TENM2: variants seen among roughly 807,000 people sequenced by gnomAD.
TENM2 encodes the protein teneurin transmembrane protein 2.
TENM2 carries 52 observed loss-of-function variants against 245.2 expected under a neutral mutation model. That is an observed-to-expected ratio of 0.21 (90% CI 0.17 to 0.27). The LOEUF is 0.27. Ranked by LOEUF, TENM2 falls within the 10% of genes least tolerant of loss-of-function variation. The pLI is 1.00. For missense variants in TENM2, 3,046 were observed against 3,666.8 expected (o/e 0.83, Z 4.37); for synonymous variants, 1,363 against 1,438.9 (o/e 0.95, Z 1.19).
intron 3 of TENM2, among the ~76,000 whole-genome samples, chr5:167,898,760 G>C (rs539089213): frequency 6.6e-6 from 1 of 152,316 alleles, no homozygotes; most frequent in African/African-American, 2.4e-5. Flanking sequence ...AGAGCCATAG[G>C]CTGGATGAAT....
intron 19 of TENM2, among the ~76,000 whole-genome samples, chr5:168,205,631 T>C (rs1181800665): frequency 6.6e-6 from 1 of 152,084 alleles, no homozygotes; most frequent in Non-Finnish European, 1.5e-5. Flanking sequence ...AGAGAAGTTG[T>C]TCAAAAGCCC....
intron 2 of TENM2, among the ~76,000 whole-genome samples, chr5:167,718,178 T>C (rs1759392589): frequency 6.6e-6 from 1 of 152,222 alleles, no homozygotes; most frequent in Admixed American, 6.5e-5. Context: ...TCGGGGGATC[T>C]ATCACCCAAT....
At chr5:167,294,854 A>G (rs1300122001) in intron 1 of TENM2, among the ~76,000 whole-genome samples, 1 of 152,130 alleles carries the variant, frequency 6.6e-6, no homozygotes, top group Non-Finnish European at 1.5e-5. Flanking sequence ...CAAAAATATC[A>G]CGGATCTTCC....
chr5:167,487,110 A>G, intron 2 of TENM2, among the ~76,000 whole-genome samples: 1 of 152,290 alleles, frequency 6.6e-6, no homozygotes, highest in African/African-American at 2.4e-5. Flanking sequence ...GGTGCGGTAT[A>G]GTGGTCTGTG....
At chr5:168,064,678 C>T (rs921499030) in intron 7 of TENM2, among the ~76,000 whole-genome samples, 9 of 152,320 alleles carry the variant, frequency 5.9e-5, no homozygotes, top group Middle Eastern at 3.4e-3. Flanking sequence ...AGCTCCACTC[C>T]AGAGACAGCC....
intron 2 of TENM2, among the ~76,000 whole-genome samples, chr5:167,498,256 A>T (rs1354928780): frequency 2.0e-5 from 3 of 151,852 alleles, no homozygotes. Context: ...GGCGCCGGGA[A>T]CTCTTAGAAA....
intron 2 of TENM2, among the ~76,000 whole-genome samples, chr5:167,469,264 T>C (rs191131909): frequency 4.6e-5 from 7 of 152,260 alleles, no homozygotes; most frequent in African/African-American, 7.2e-5. Context: ...TTAATAAACA[T>C]GTTTGATGGT....
chr5:167,621,252 T>C (rs1468218129), intron 2 of TENM2, among the ~76,000 whole-genome samples: 1 of 152,136 alleles, frequency 6.6e-6, no homozygotes, highest in Non-Finnish European at 1.5e-5. Context: ...AATGATAACT[T>C]GCTGTGAAGA....
chr5:167,428,230 C>T (rs1367193437), intron 2 of TENM2, among the ~76,000 whole-genome samples: 2 of 152,140 alleles, frequency 1.3e-5, no homozygotes, highest in African/African-American at 2.4e-5. Context: ...ACTATTATGG[C>T]TACATTGAAA....
intron 1 of TENM2, among the ~76,000 whole-genome samples, chr5:167,353,510 T>TTG (rs1484031534): frequency 8.3e-6 from 1 of 120,178 alleles, no homozygotes; most frequent in Non-Finnish European, 1.8e-5. Context: ...GTTTTTTTTT[T>TTG]TTTTTTTTTT....
At chr5:168,000,873 G>A (rs1354679205) in intron 5 of TENM2, among the ~76,000 whole-genome samples, 1 of 151,884 alleles carries the variant, frequency 6.6e-6, no homozygotes, top group Non-Finnish European at 1.5e-5. Flanking sequence ...GGAACATGGT[G>A]GTACCTGGCA....
In TENM2 at chr5:168,070,793, A is replaced by AAGAG. The variant is rs201553774; in HGVS notation, c.1515+8552_1515+8555dup. On this transcript the variant is annotated intron_variant, in intron 7 of 28. Coordinates refer to ENST00000518659, the Ensembl canonical transcript of TENM2. ...AGTGAGATCCTGTCAGAAAGAAAGAAAGAGAGAGAGAGAGAGAGAGAGAGA... is the reference window on the plus strand; with the variant it reads ...AGTGAGATCCTGTCAGAAAGAAAGAAAGAGAGAGAGAGAGAGAGAGAGAGAGAGA... Among the ~76,000 whole-genome samples, 86 of 89,414 alleles carry AAGAG rather than the reference A, an allele frequency of 9.6e-4. 2 individuals carry two copies. The South Asian group carries it at 0.021, about 22-fold the overall frequency. The allele number at this position is 89,414 out of a possible 152,430, so 58.7% of individuals were successfully genotyped here. A position where few individuals can be genotyped will look rare whatever the true frequency, so the allele number is the denominator to read the frequency against.
At chr5:168,004,298 G>T (rs529651191) in intron 5 of TENM2, among the ~76,000 whole-genome samples, 1 of 152,278 alleles carries the variant, frequency 6.6e-6, no homozygotes, top group African/African-American at 2.4e-5. Context: ...TGATATTTTA[G>T]ATTACCCTGC....
the TENM2 span, among the ~76,000 whole-genome samples, chr5:167,006,630 A>G: frequency 6.6e-6 from 1 of 152,060 alleles, no homozygotes; most frequent in South Asian, 2.1e-4. Context: ...AATCATTTAT[A>G]TATTCAGAAC....
intron 11 of TENM2, 33 bp from the exon 14 acceptor site, chr5:168,126,720 TG>T: frequency 6.4e-7 from 1 of 1,555,982 alleles, no homozygotes; most frequent in Non-Finnish European, 8.8e-7. Context: ...TCACCAGCTG[TG>T]GTGTTGAGCT....
At chr5:168,081,013 C>G (rs931779170) in intron 7 of TENM2, among the ~76,000 whole-genome samples, 1 of 152,112 alleles carries the variant, frequency 6.6e-6, no homozygotes, top group African/African-American at 2.4e-5. Context: ...GTTGATCCGT[C>G]TAATGTTGAC....
chr5:167,768,884 C>T (rs865923111), intron 2 of TENM2, among the ~76,000 whole-genome samples: 6 of 152,210 alleles, frequency 3.9e-5, no homozygotes, highest in South Asian at 4.1e-4. Flanking sequence ...ACTTGGGAGA[C>T]GGGATGTATA....
the TENM2 span, among the ~76,000 whole-genome samples, chr5:167,111,869 T>G: frequency 0.014 from 2,067 of 152,346 alleles, 21 homozygotes; most frequent in Middle Eastern, 0.041. Flanking sequence ...TCCGTCCTAT[T>G]ATGCCTCATC....
At chr5:167,892,452 G>C (rs1476520066) in intron 3 of TENM2, among the ~76,000 whole-genome samples, 1 of 152,168 alleles carries the variant, frequency 6.6e-6, no homozygotes, top group Non-Finnish European at 1.5e-5. Flanking sequence ...CTCTTGGGTG[G>C]AGAACCAAAA....
Sources: allele counts gnomAD v4.1 joint callset (sites outside exome capture counted in the v4.1 genomes callset), GRCh38; gene constraint gnomAD v4.1.1; transcripts MANE v1.5; gene names NCBI Gene and HGNC (gene_info 2026-07-23, HGNC 2026-07-21).